JARID2: variants seen among roughly 807,000 people sequenced by gnomAD.
JARID2 encodes the protein jumonji and AT-rich interaction domain containing 2.
In JARID2, 21 loss-of-function variants were observed where a neutral mutation model predicts 125.6. The ratio of observed to expected loss-of-function variants is 0.17; its 90% CI spans 0.12 to 0.24. JARID2 has a LOEUF of 0.24. Ranked by LOEUF, JARID2 falls within the 10% of genes least tolerant of loss-of-function variation. The pLI is 1.00. For missense variants in JARID2, 1,303 were observed against 1,639.6 expected (o/e 0.79, Z 3.55); for synonymous variants, 736 against 661.6 (o/e 1.11, Z -1.73).
chr6:15,302,103 T>G (rs1251563460), intron 1 of JARID2, among the ~76,000 whole-genome samples: 1 of 152,194 alleles, frequency 6.6e-6, no homozygotes, highest in Non-Finnish European at 1.5e-5. Context: ...TTACCATTAT[T>G]ACCAACATGT....
At chr6:15,318,671 A>C (rs1762255442) in intron 1 of JARID2, among the ~76,000 whole-genome samples, 1 of 152,172 alleles carries the variant, frequency 6.6e-6, no homozygotes, top group Non-Finnish European at 1.5e-5. Flanking sequence ...GGCCGGATTC[A>C]CTGGTGTGAC....
chr6:15,468,616 G>C lies in JARID2; in HGVS notation c.568G>C (p.Asp190His), dbSNP rs972784339. 11 of 1,614,174 alleles carry C rather than the reference G, an allele frequency of 6.8e-6. No individual in the cohort carries two copies. The highest frequency in any genetic ancestry group is 1.7e-5 in the Admixed American group (1 of 60,030). Reference protein sequence around the residue: ...QDEEEVEEEDDETEDVKTATN... With the variant: ...QDEEEVEEEDHETEDVKTATN... ...TGAGGAGGAAGTCGAGGAGGAAGATGATGAGACAGAAGACGTCAAAACAGC... is the reference window on the plus strand; with the variant it reads ...TGAGGAGGAAGTCGAGGAGGAAGATCATGAGACAGAAGACGTCAAAACAGC... The change falls in exon 5 of 18, where the codon GAT becomes CAT. Residue 190 changes from aspartate to histidine, a missense_variant. Asp to His is a moderately conservative substitution (Grantham distance 81). Coordinates refer to ENST00000341776, the MANE Select transcript of JARID2 (RefSeq NM_004973.4).
intron 3 of JARID2, among the ~76,000 whole-genome samples, chr6:15,430,421 T>G (rs1410951442): frequency 6.6e-6 from 1 of 152,228 alleles, no homozygotes; most frequent in Non-Finnish European, 1.5e-5. Context: ...GAACCATGCT[T>G]GATACTGAGT....
intron 8 of JARID2, among the ~76,000 whole-genome samples, chr6:15,502,964 A>G (rs1279702210): frequency 6.6e-6 from 1 of 152,252 alleles, no homozygotes; most frequent in Non-Finnish European, 1.5e-5. Context: ...TGAATAGCCA[A>G]CTGGTGAAAT....
rs140011539 is a variant in JARID2 at position 15,401,154 on chromosome 6, C to CTATATATA, written c.182-9058_182-9051dup. The CTATATATA allele has an allele frequency of 8.7e-5, 70 of 808,770 alleles. No homozygotes were observed. In the African/African-American group the frequency reaches 1.2e-3, roughly 14 times the overall value. 50.1% of individuals were successfully genotyped at this position (808,770 alleles called of 1,614,324 possible). On this transcript the variant is annotated intron_variant, in intron 2 of 17. Coordinates refer to ENST00000341776, the MANE Select transcript of JARID2 (RefSeq NM_004973.4). ...TAAATCCATTGTGGATGGCAAGGTGCTATATATATATATATATATGAGAGA... is the reference window on the plus strand; with the variant it reads ...TAAATCCATTGTGGATGGCAAGGTGCTATATATATATATATATATATATATATGAGAGA...
At chr6:15,478,250 C>G (rs1327438992) in intron 5 of JARID2, among the ~76,000 whole-genome samples, 2 of 152,070 alleles carry the variant, frequency 1.3e-5, no homozygotes, top group Non-Finnish European at 1.5e-5. Context: ...AGCCTGGTGT[C>G]AGGGCTAAAA....
chr6:15,486,806 C>CTTTTTT (rs56268949), intron 5 of JARID2, among the ~76,000 whole-genome samples: 8,664 of 100,096 alleles, frequency 0.087, 1,341 homozygotes, highest in African/African-American at 0.2. Flanking sequence ...TGAGAATAGA[C>CTTTTTT]TTTTTTTTTT....
chr6:15,411,661 T>A lies in JARID2; in HGVS notation c.323+1296T>A, dbSNP rs554935206. Among the ~76,000 whole-genome samples the A allele has an allele frequency of 2.0e-5, 3 of 152,348 alleles. No homozygotes were observed. The South Asian group carries it at 6.2e-4, about 32-fold the overall frequency. On this transcript the variant is annotated intron_variant, in intron 3 of 17. Transcript: ENST00000341776. The stretch of plus-strand genomic sequence containing the variant: ...AGCATGAATTATCACAAGAGAGTGA[T>A]TTTAAGGATGTGTAAAAAATTGTGT...
chr6:15,302,685 C>A (rs763106850), intron 1 of JARID2, among the ~76,000 whole-genome samples: 1 of 151,640 alleles, frequency 6.6e-6, no homozygotes, highest in African/African-American at 2.4e-5. Context: ...TAACATATAA[C>A]CTCATTTTGT....
intron 3 of JARID2, among the ~76,000 whole-genome samples, chr6:15,438,638 C>A (rs552225273): frequency 2.0e-5 from 3 of 152,296 alleles, no homozygotes; most frequent in Non-Finnish European, 4.4e-5. Flanking sequence ...CCTTTCTCTT[C>A]AATGGTGGCT....
At chr6:15,433,551 C>T (rs1034901517) in intron 3 of JARID2, among the ~76,000 whole-genome samples, 2 of 151,972 alleles carry the variant, frequency 1.3e-5, no homozygotes, top group African/African-American at 4.8e-5. Flanking sequence ...CTTATTAGAG[C>T]AAACAATGTG....
At chr6:15,469,708 A>G (rs1768978471) in intron 5 of JARID2, among the ~76,000 whole-genome samples, 1 of 152,050 alleles carries the variant, frequency 6.6e-6, no homozygotes, top group Non-Finnish European at 1.5e-5. Context: ...TTAAAGGGAA[A>G]TAACTTGAAG....
chr6:15,379,783 G>T (rs1764508317), intron 2 of JARID2, among the ~76,000 whole-genome samples: 1 of 152,120 alleles, frequency 6.6e-6, no homozygotes, highest in Non-Finnish European at 1.5e-5. Flanking sequence ...ACTAAGAGTG[G>T]ATTAGCAATT....
chr6:15,308,942 G>A (rs1009475245), intron 1 of JARID2, among the ~76,000 whole-genome samples: 3 of 152,210 alleles, frequency 2.0e-5, no homozygotes, highest in Admixed American at 6.5e-5. Flanking sequence ...CCTGCAGGGT[G>A]GAAATCGTAG....
intron 4 of JARID2, among the ~76,000 whole-genome samples, chr6:15,463,758 G>C (rs548711166): frequency 6.6e-6 from 1 of 152,118 alleles, no homozygotes; most frequent in East Asian, 1.9e-4. Context: ...ACGTCTGCTA[G>C]ATACGAAGTT....
rs74921821 is a variant in JARID2, at chr6:15,358,787, C to T, written c.46-15330C>T. Among the ~76,000 whole-genome samples, 726 of 152,210 alleles carry T rather than the reference C, an allele frequency of 4.8e-3. 5 individuals are homozygous for T. The highest frequency in any genetic ancestry group is 0.017 in the African/African-American group (690 of 41,552). ...ACAGTTAGTTACTAAGCTTTTAACG[C>T]GTACCAGTCTTGATGTTAAGGAGTT... On this transcript the variant is annotated intron_variant, in intron 1 of 17. Transcript: ENST00000341776.
At chr6:15,265,422 T>C (rs1188781703) in intron 1 of JARID2, among the ~76,000 whole-genome samples, 4 of 151,782 alleles carry the variant, frequency 2.6e-5, no homozygotes, top group Non-Finnish European at 5.9e-5. Flanking sequence ...ATAAGTGTAA[T>C]TGAGATTTAA....
At position 15,338,964 on chromosome 6, in the gene JARID2, A is replaced by T. The variant is rs370673753; in HGVS notation, c.46-35153A>T. Among the ~76,000 whole-genome samples the T allele has an allele frequency of 6.6e-5, 10 of 152,300 alleles. No homozygotes were observed. The East Asian group carries it at 1.7e-3, about 26-fold the overall frequency. On this transcript the variant is annotated intron_variant, in intron 1 of 17. Transcript: ENST00000341776. ...GAGGTTATGTTACTTTTGAATTAAG[A>T]CCTTGACGAACACTGAGAAGCAGGC... is the stretch of plus-strand genomic sequence containing the variant.
At chr6:15,425,957 G>C (rs769324393) in intron 3 of JARID2, among the ~76,000 whole-genome samples, 1 of 152,188 alleles carries the variant, frequency 6.6e-6, no homozygotes, top group Non-Finnish European at 1.5e-5. Context: ...TTCTGGGTAA[G>C]TCAGTCCTCT....
Sources: gnomAD v4.1 joint callset for allele counts (sites outside exome capture counted in the v4.1 genomes callset) on GRCh38, gnomAD v4.1.1 for gene constraint, MANE v1.5 for transcripts, NCBI Gene and HGNC (gene_info 2026-07-23, HGNC 2026-07-21) for gene names.